ZNF776: variants seen among roughly 807,000 people sequenced by gnomAD.
The protein encoded by ZNF776 is zinc finger protein 776.
A neutral mutation model predicts 7.0 loss-of-function variants in ZNF776; 4 were observed. The observed-to-expected ratio is 0.57, with a 90% confidence interval of 0.28 to 1.31. The LOEUF (loss-of-function observed/expected upper bound fraction) is 1.31, where lower values mean the gene tolerates loss of function less well. Ranked by LOEUF, ZNF776 falls within the 50% of genes most tolerant of loss-of-function variation. ZNF776 has a pLI of 0.10. For missense variants in ZNF776, 555 were observed against 625.9 expected (o/e 0.89, Z 1.21); for synonymous variants, 212 against 213.7 (o/e 0.99, Z 0.07).
rs1568476541 is a variant in ZNF776 at position 57,753,374 on chromosome 19, ACAGGTGTATGTACCAAGAAGGTC to A, written c.247_269del (p.Gly83ProfsTer30). On this transcript the variant is annotated frameshift_variant, in exon 3 of 3. Coordinates refer to ENST00000317178, the MANE Select transcript of ZNF776 (RefSeq NM_173632.4). LOFTEE classifies it low-confidence loss of function (END_TRUNC). ...GGAGTCCCCACTCAGGACACATTGG[ACAGGTGTATGTACCAAGAAGGTC>A]CACCTCTGGGGAATGTGTGGCCCTC... 6.2e-7 allele frequency: 1 copy of A among 1,614,236 alleles called. No homozygotes were observed. The highest frequency in any genetic ancestry group is 2.2e-5 in the East Asian group (1 of 44,880).
chr19:57,747,844 CCT>C (rs1986483810), intron 1 of ZNF776, among the ~76,000 whole-genome samples: 1 of 58,724 alleles, frequency 1.7e-5, no homozygotes, highest in African/African-American at 6.8e-5. Context: ...TTCTTAGGTA[CCT>C]TTTTTTTTTT....
Position 57,754,449 on chromosome 19 carries a change from G to A in ZNF776, c.1319G>A (p.Cys440Tyr). ...TATGAGTGTAGAGAATGTGGGAAAT[G>A]TTTTCATCAAAAGGGCAGTCTCATT... The part of the protein sequence containing the change: ...RPYECRECGK[C>Y]FHQKGSLIQH... Residue 440 changes from cysteine to tyrosine, a missense_variant, in exon 3 of 3, where the codon TGT (cysteine) becomes TAT (tyrosine). Coordinates refer to ENST00000317178, the MANE Select transcript of ZNF776 (RefSeq NM_173632.4). 1.2e-6 allele frequency: 2 copies of A among 1,613,766 alleles called. No homozygotes were observed. The highest frequency in any genetic ancestry group is 8.5e-7 in the Non-Finnish European group (1 of 1,179,930).
At chr19:57,750,434 A>AG (rs1385594372) in intron 1 of ZNF776, among the ~76,000 whole-genome samples, 3 of 149,064 alleles carry the variant, frequency 2.0e-5, no homozygotes, top group East Asian at 1.9e-4. Context: ...CCCTATCTCA[A>AG]AAAAAAAAAA....
chr19:57,747,641 C>T (rs1157947728), intron 1 of ZNF776, among the ~76,000 whole-genome samples: 1 of 152,054 alleles, frequency 6.6e-6, no homozygotes, highest in African/African-American at 2.4e-5. Flanking sequence ...AGTTACAGGG[C>T]CAAGAAAGAG....
intron 2 of ZNF776, among the ~76,000 whole-genome samples, chr19:57,752,612 A>C (rs943221910): frequency 6.6e-6 from 1 of 152,160 alleles, no homozygotes; most frequent in African/African-American, 2.4e-5. Flanking sequence ...TGATTTCACA[A>C]GTATTTACCT....
chr19:57,752,294 G>A (rs1290093738), intron 2 of ZNF776, among the ~76,000 whole-genome samples: 4 of 152,164 alleles, frequency 2.6e-5, no homozygotes, highest in African/African-American at 9.7e-5. Flanking sequence ...GTGAGCCACT[G>A]CACCTGGCCA....
chr19:57,752,120 C>A (rs1408910313), intron 2 of ZNF776, among the ~76,000 whole-genome samples: 4 of 151,986 alleles, frequency 2.6e-5, no homozygotes, highest in Non-Finnish European at 5.9e-5. Flanking sequence ...GATCCACCCG[C>A]CTCGGGCTCC....
intron 2 of ZNF776, among the ~76,000 whole-genome samples, chr19:57,751,365 TTTG>T (rs3062202): frequency 0.49 from 74,688 of 151,556 alleles, 19,286 homozygotes; most frequent in East Asian, 0.67. Context: ...TTTGTTTTGT[TTTG>T]TTCTGTTTTG....
At position 57,753,860 on chromosome 19, in the gene ZNF776, T is replaced by A. The variant is rs145613090; in HGVS notation, c.730T>A (p.Phe244Ile). Residue 244 changes from phenylalanine (F) to isoleucine (I), a missense_variant, in exon 3 of 3, where the codon TTC becomes ATC. Coordinates refer to ENST00000317178, the MANE Select transcript of ZNF776 (RefSeq NM_173632.4). The part of the protein sequence containing the change: ...GPYVCSDSGK[F>I]TSKSNSFNNH... ...TTATGTATGCAGTGATTCTGGGAAATTCACTAGCAAAAGTAATAGTTTTAA... is the reference window on the plus strand; with the variant it reads ...TTATGTATGCAGTGATTCTGGGAAAATCACTAGCAAAAGTAATAGTTTTAA... The A allele has an allele frequency of 4.3e-6, 7 of 1,614,228 alleles. No individual in the cohort carries two copies. The highest frequency in any genetic ancestry group is 5.9e-6 in the Non-Finnish European group (7 of 1,180,040).
At position 57,752,467 on chromosome 19, in the gene ZNF776, G is replaced by A. The variant is rs547966167; in HGVS notation, c.161-824G>A. Among the ~76,000 whole-genome samples, 8 of 152,256 alleles carry A rather than the reference G, an allele frequency of 5.3e-5. No individual in the cohort carries two copies. In the East Asian group the frequency reaches 1.5e-3, roughly 29 times the overall value. On this transcript the variant is annotated intron_variant, in intron 2 of 2. Coordinates refer to ENST00000317178, the MANE Select transcript of ZNF776 (RefSeq NM_173632.4). ...GTATATCTTTGCAGTGGGACTGAGA[G>A]TTCTCAGTGATCCAGAAGTTGCAGC...
intron 1 of ZNF776, among the ~76,000 whole-genome samples, chr19:57,750,221 C>T (rs1264209933): frequency 1.3e-5 from 2 of 149,518 alleles, no homozygotes; most frequent in South Asian, 2.1e-4. Context: ...CTCAGGATTT[C>T]GAGACTAACC....
rs759643836 is a variant in ZNF776 at position 57,753,670 on chromosome 19, C to T, written c.540C>T (p.Leu180=). 3 of 1,614,108 alleles carry T rather than the reference C, an allele frequency of 1.9e-6. No individual in the cohort carries two copies. Among genetic ancestry groups the T allele is most frequent in the South Asian group, 1.1e-5 (1 of 91,080 alleles). Residue 180 remains leucine, a synonymous_variant, in exon 3 of 3, where the codon CTC becomes CTT. Coordinates refer to ENST00000317178, the MANE Select transcript of ZNF776 (RefSeq NM_173632.4). ...ACTTTTTGTCCAGCTTGAGATTACTCCAACAAGAGGACATTCACACTTCAG... is the reference window on the plus strand; with the variant it reads ...ACTTTTTGTCCAGCTTGAGATTACTTCAACAAGAGGACATTCACACTTCAG... The part of the protein sequence containing the change: ...GKDFLSSLRL[L]QQEDIHTSGK...
chr19:57,750,689 C>T, intron 1 of ZNF776, 96 bp from the exon 2 acceptor site: 2 of 1,457,756 alleles, frequency 1.4e-6, no homozygotes, highest in Non-Finnish European at 1.8e-6. Context: ...CTAGTTTCTC[C>T]TTGTAGTTTA....
Position 57,754,651 on chromosome 19 carries a change from A to G in ZNF776, c.1521A>G (p.Gln507=), listed in dbSNP as rs575670625. The G allele has an allele frequency of 4.4e-5, 71 of 1,612,376 alleles. No homozygotes were observed. The highest frequency in any genetic ancestry group is 6.7e-5 in the Admixed American group (4 of 60,008). The change falls in exon 3 of 3, where the codon CAA becomes CAG. Residue 507 remains glutamine (Q), a synonymous_variant. Transcript: ENST00000317178. ...AAAAGGGAAACCTCATTAAACATCAACGAGTTCACACGGGAGAAAGACATC... is the reference window on the plus strand; with the variant it reads ...AAAAGGGAAACCTCATTAAACATCAGCGAGTTCACACGGGAGAAAGACATC... ...FRQKGNLIKH[Q]RVHTGERHHE...
chr19:57,753,013 A>G (rs1986650510), intron 2 of ZNF776, among the ~76,000 whole-genome samples: 2 of 152,252 alleles, frequency 1.3e-5, no homozygotes, highest in South Asian at 2.1e-4. Flanking sequence ...TAGGTTGAAG[A>G]TAAGTCTTCT....
chr19:57,748,124 A>G (rs147651343), intron 1 of ZNF776, among the ~76,000 whole-genome samples: 97 of 152,232 alleles, frequency 6.4e-4, no homozygotes, highest in African/African-American at 2.3e-3. Flanking sequence ...GAGAGGAGGA[A>G]ATAAGATGAG....
chr19:57,751,038 G>T (rs1299059128), intron 2 of ZNF776, 127 bp downstream of exon 2: 1 of 1,182,962 alleles, frequency 8.5e-7, no homozygotes, highest in East Asian at 2.9e-5. Context: ...TAGTTCCCTG[G>T]GTAGGTTCTA....
chr19:57,758,019 G>A lies in ZNF776; in HGVS notation c.*3332G>A, dbSNP rs536243526. On this transcript the variant is annotated 3_prime_UTR_variant, in exon 3 of 3. Coordinates refer to ENST00000317178, the MANE Select transcript of ZNF776 (RefSeq NM_173632.4). ...TTGACATTCATCAATCATGATATAT[G>A]AGTAGTTCATTCTTTTTATCTTAGA... The A allele has an allele frequency of 3.9e-5, 6 of 152,104 alleles. No individual in the cohort carries two copies. In the East Asian group the frequency reaches 1.2e-3, roughly 29 times the overall value. 9.4% of individuals were successfully genotyped at this position (152,104 alleles called of 1,614,324 possible). A position where few individuals can be genotyped will look rare whatever the true frequency, so the allele number is the denominator to read the frequency against.
chr19:57,750,937 G>A (rs1419243731), intron 2 of ZNF776, 26 bp downstream of exon 2: 1 of 1,592,720 alleles, frequency 6.3e-7, no homozygotes, highest in Non-Finnish European at 8.6e-7. Flanking sequence ...TCTTCTCTAT[G>A]ACCTCAGCTA....
Sources: allele counts gnomAD v4.1 joint callset (sites outside exome capture counted in the v4.1 genomes callset), GRCh38; gene constraint gnomAD v4.1.1; transcripts MANE v1.5; gene names NCBI Gene and HGNC (gene_info 2026-07-23, HGNC 2026-07-21).